The following ARID1B variants were observed in gnomAD, a reference collection of about 807,000 sequenced individuals.
The protein encoded by ARID1B is AT-rich interactive domain-containing protein 1B.
In ARID1B, 30 loss-of-function variants were observed where a neutral mutation model predicts 212.3. The observed-to-expected ratio is 0.14, with a 90% CI of 0.11 to 0.19. ARID1B has a LOEUF of 0.19. Among genes scored for constraint, ARID1B ranks in the 10% least tolerant of loss-of-function variants. ARID1B has a pLI of 1.00. For synonymous variants in ARID1B, 1,402 were observed against 1,301.7 expected (o/e 1.08, Z -1.66); for missense variants, 2,891 against 3,204.0 (o/e 0.90, Z 2.36).
chr6:156,826,029 A>T (rs144891151), intron 1 of ARID1B, among the ~76,000 whole-genome samples: 170 of 152,376 alleles, frequency 1.1e-3, no homozygotes, highest in African/African-American at 3.9e-3. Context: ...GTTATGTAAA[A>T]TCAGTATATT....
At chr6:156,811,383 A>G (rs993568206) in intron 1 of ARID1B, among the ~76,000 whole-genome samples, 1 of 152,198 alleles carries the variant, frequency 6.6e-6, no homozygotes, top group Non-Finnish European at 1.5e-5. Flanking sequence ...AATTCTGCCA[A>G]CTACAGGTTG....
At chr6:156,889,863 C>T (rs1391873994) in intron 2 of ARID1B, among the ~76,000 whole-genome samples, 1 of 152,122 alleles carries the variant, frequency 6.6e-6, no homozygotes, top group Non-Finnish European at 1.5e-5. Flanking sequence ...CGTTGGTTGA[C>T]TATACATTTG....
At chr6:156,905,513 G>A (rs921789201) in intron 3 of ARID1B, among the ~76,000 whole-genome samples, 2 of 152,176 alleles carry the variant, frequency 1.3e-5, no homozygotes, top group Non-Finnish European at 1.5e-5. Flanking sequence ...CAGAGTCTCC[G>A]TTGAAATTGT....
intron 6 of ARID1B, among the ~76,000 whole-genome samples, chr6:157,128,775 G>A (rs962935639): frequency 6.6e-6 from 1 of 152,180 alleles, no homozygotes; most frequent in Non-Finnish European, 1.5e-5. Flanking sequence ...AGGAAGTAAA[G>A]ACAGCTGTTT....
chr6:157,180,893 T>A (rs1172249824), intron 11 of ARID1B, 76 bp from the exon 12 acceptor site: 4 of 1,244,242 alleles, frequency 3.2e-6, no homozygotes, highest in African/African-American at 1.5e-5. Context: ...TGTTAGCTCA[T>A]TACTTTTTTC....
At position 156,829,351 on chromosome 6, in the gene ARID1B, A is replaced by T. The variant is rs2128046677; in HGVS notation, c.1916A>T (p.Gln639Leu). Residue 639 changes from glutamine to leucine, a missense_variant, in exon 2 of 20, where the codon CAG becomes CTG. Transcript: ENST00000636930. ...GGTTCCTATGGCCCTCCAGGCCCAC[A>T]GCGGTATCCAATTGGCATCCAGGGT... ...PGGSYGPPGP[Q>L]RYPIGIQGRT... 6.2e-7 allele frequency: 1 copy of T among 1,614,214 alleles called. No individual in the cohort carries two copies.
chr6:157,175,753 A>G (rs1160533866), intron 11 of ARID1B: 1 of 152,236 alleles, frequency 6.6e-6, no homozygotes, highest in South Asian at 2.1e-4. Flanking sequence ...TTCTGACCCT[A>G]GAAGTGGGCC....
intron 2 of ARID1B, among the ~76,000 whole-genome samples, chr6:156,839,542 C>G (rs1019181577): frequency 6.6e-6 from 1 of 152,200 alleles, no homozygotes; most frequent in Non-Finnish European, 1.5e-5. Flanking sequence ...TCCCCTTCAG[C>G]TGCCAGGAAG....
At chr6:157,005,235 CCTT>C (rs1174697938) in intron 4 of ARID1B, among the ~76,000 whole-genome samples, 1 of 151,928 alleles carries the variant, frequency 6.6e-6, no homozygotes, top group African/African-American at 2.4e-5. Flanking sequence ...CTCATTGCTA[CCTT>C]CACCTCCTGG....
intron 2 of ARID1B, among the ~76,000 whole-genome samples, chr6:156,854,384 G>T (rs779275194): frequency 2.3e-4 from 35 of 152,290 alleles, no homozygotes; most frequent in Admixed American, 3.3e-4. Context: ...GAAAATTAAG[G>T]TTTCTTATGA....
At chr6:156,994,266 C>T (rs1437592962) in intron 4 of ARID1B, among the ~76,000 whole-genome samples, 7 of 152,286 alleles carry the variant, frequency 4.6e-5, no homozygotes, top group East Asian at 1.9e-4. Context: ...TGTGGGTCTG[C>T]GTTCTCTTTC....
intron 2 of ARID1B, among the ~76,000 whole-genome samples, chr6:156,877,995 C>T (rs1258134490): frequency 2.6e-5 from 4 of 152,100 alleles, no homozygotes; most frequent in African/African-American, 7.2e-5. Flanking sequence ...GGATTACAGG[C>T]GTGAACCACC....
At chr6:157,068,356 G>C (rs1327347202) in intron 4 of ARID1B, among the ~76,000 whole-genome samples, 1 of 152,214 alleles carries the variant, frequency 6.6e-6, no homozygotes. Context: ...GTGAGAGGTA[G>C]CTGTCTTCAG....
intron 4 of ARID1B, among the ~76,000 whole-genome samples, chr6:156,996,294 G>T (rs1298795502): frequency 6.6e-6 from 1 of 152,278 alleles, no homozygotes; most frequent in East Asian, 1.9e-4. Context: ...TTTTCCTGCA[G>T]CGAGGTCATG....
chr6:156,874,179 C>G (rs1786361955), intron 2 of ARID1B, among the ~76,000 whole-genome samples: 2 of 152,166 alleles, frequency 1.3e-5, no homozygotes, highest in Non-Finnish European at 2.9e-5. Context: ...TCATTCCTGC[C>G]TCAGCCTTTC....
intron 4 of ARID1B, among the ~76,000 whole-genome samples, chr6:157,053,584 C>T (rs2128384918): frequency 6.6e-6 from 1 of 152,214 alleles, no homozygotes; most frequent in Admixed American, 6.5e-5. Flanking sequence ...AACTTTATTC[C>T]TGAATTTTGG....
At chr6:156,946,252 AT>A (rs1401602361) in intron 4 of ARID1B, among the ~76,000 whole-genome samples, 1 of 151,396 alleles carries the variant, frequency 6.6e-6, no homozygotes, top group Admixed American at 6.6e-5. Flanking sequence ...CACGCCTGTT[AT>A]CCCAGCTGCT....
At chr6:157,053,231 G>A (rs1180952414) in intron 4 of ARID1B, among the ~76,000 whole-genome samples, 3 of 152,030 alleles carry the variant, frequency 2.0e-5, no homozygotes, top group Non-Finnish European at 2.9e-5. Flanking sequence ...GATTACAGGC[G>A]CCTACCGCTA....
In ARID1B at chr6:156,946,506, A is replaced by G. The variant is rs138144476; in HGVS notation, c.2247+10930A>G. The stretch of plus-strand genomic sequence containing the variant: ...TGCCTAAAGCCCACTCCATTCTTCT[A>G]TAGTATTTCGAAAGTCTAGAGCTTT... On this transcript the variant is annotated intron_variant, in intron 4 of 19. Coordinates refer to ENST00000636930, the MANE Select transcript of ARID1B (RefSeq NM_001374828.1). 4.3e-3 allele frequency among the ~76,000 whole-genome samples: 653 copies of G among 152,336 alleles called. 4 individuals carry two copies. Among genetic ancestry groups the G allele is most frequent in the African/African-American group, 0.015 (623 of 41,584 alleles).
Sources: gnomAD v4.1 joint callset for allele counts (sites outside exome capture counted in the v4.1 genomes callset) on GRCh38, gnomAD v4.1.1 for gene constraint, MANE v1.5 for transcripts, NCBI Gene and HGNC (gene_info 2026-07-23, HGNC 2026-07-21) for gene names.